ST6GAL1: variants seen among roughly 807,000 people sequenced by gnomAD.
The protein encoded by ST6GAL1 is ST6 beta-galactoside alpha-2,6-sialyltransferase 1.
A neutral mutation model predicts 38.0 loss-of-function variants in ST6GAL1; 20 were observed. The observed-to-expected ratio is 0.53, with a 90% confidence interval of 0.37 to 0.77. The LOEUF (loss-of-function observed/expected upper bound fraction) is 0.77. ST6GAL1 is among the 30% of genes least tolerant of loss of function. The probability of loss-of-function intolerance (pLI) is 0.00; values close to 1 mark genes in which losing one functional copy is unlikely to be tolerated. For synonymous variants in ST6GAL1, 196 were observed against 188.2 expected (o/e 1.04, Z -0.34); for missense variants, 432 against 496.4 (o/e 0.87, Z 1.23).
intron 1 of ST6GAL1, among the ~76,000 whole-genome samples, chr3:186,963,497 G>A (rs185911260): frequency 7.9e-5 from 12 of 152,316 alleles, no homozygotes; most frequent in African/African-American, 2.6e-4. Flanking sequence ...ACTTGGGCCC[G>A]ATCTGTAGCT....
At position 187,078,476 on chromosome 3, in the gene ST6GAL1, C is replaced by T. The variant is rs1362965324; in HGVS notation, c.*2673C>T. 1.3e-5 allele frequency: 2 copies of T among 152,142 alleles called. No individual in the cohort carries two copies. The highest frequency in any genetic ancestry group is 2.4e-5 in the African/African-American group (1 of 41,428). 9.4% of individuals were successfully genotyped at this position (152,142 alleles called of 1,614,324 possible). A position where few individuals can be genotyped will look rare whatever the true frequency, so the allele number is the denominator to read the frequency against. On this transcript the variant is annotated 3_prime_UTR_variant, in exon 8 of 8. Transcript: ENST00000169298. The stretch of plus-strand genomic sequence containing the variant: ...TGGTTTGGAGTTGAGATATCAGTCT[C>T]GGAAACTTCTGAAAAATGCTAATAA...
intron 5 of ST6GAL1, among the ~76,000 whole-genome samples, chr3:187,058,379 A>G (rs1265773020): frequency 6.6e-6 from 1 of 152,194 alleles, no homozygotes; most frequent in Admixed American, 6.5e-5. Flanking sequence ...TTGTTTGTCG[A>G]TCGCGCTGGG....
chr3:186,965,653 A>T (rs950181689), intron 2 of ST6GAL1, among the ~76,000 whole-genome samples: 2 of 152,180 alleles, frequency 1.3e-5, no homozygotes, highest in East Asian at 3.9e-4. Flanking sequence ...TACTCCTGGG[A>T]GGAAGGGAGC....
At chr3:187,013,056 C>T (rs907550024) in intron 2 of ST6GAL1, among the ~76,000 whole-genome samples, 8 of 152,172 alleles carry the variant, frequency 5.3e-5, no homozygotes, top group Non-Finnish European at 1.2e-4. Context: ...TTGATGATCA[C>T]ACAAAAATGA....
chr3:187,015,018 A>G (rs1579322828), intron 2 of ST6GAL1, among the ~76,000 whole-genome samples: 1 of 152,196 alleles, frequency 6.6e-6, no homozygotes, highest in African/African-American at 2.4e-5. Flanking sequence ...AGGGATTTCT[A>G]AATTTGTTAA....
rs1719524769 is a variant in ST6GAL1, at chr3:187,075,377, G to T, written c.980-185G>T. Among the ~76,000 whole-genome samples, 1 of 152,202 alleles carries T rather than the reference G, an allele frequency of 6.6e-6. No individual in the cohort carries two copies. Among genetic ancestry groups the T allele is most frequent in the South Asian group, 2.1e-4 (1 of 4,838 alleles). ...AGGTGTATAACCCTCACACAGCCCT[G>T]CATCCTAAGGAACACTGCTGGGCTT... is the stretch of plus-strand genomic sequence containing the variant. On this transcript the variant is annotated intron_variant, in intron 7 of 7. Transcript: ENST00000169298. The surrounding 1 kb of genome is among the most constrained non-coding windows in gnomAD (Gnocchi z 4.1).
intron 1 of ST6GAL1, among the ~76,000 whole-genome samples, chr3:186,947,106 G>C (rs925622003): frequency 6.6e-6 from 1 of 152,126 alleles, no homozygotes; most frequent in Admixed American, 6.5e-5. Flanking sequence ...TTGGTGGTTC[G>C]TGGTTGGAGA....
intron 2 of ST6GAL1, among the ~76,000 whole-genome samples, chr3:187,026,752 C>G (rs1717551314): frequency 6.6e-6 from 1 of 152,016 alleles, no homozygotes; most frequent in Non-Finnish European, 1.5e-5. Context: ...ACGTAAAATA[C>G]AATAAAAATG....
intron 4 of ST6GAL1, among the ~76,000 whole-genome samples, chr3:187,047,612 T>C (rs1324713096): frequency 6.6e-6 from 1 of 152,150 alleles, no homozygotes; most frequent in Non-Finnish European, 1.5e-5. Context: ...GTAGTTTCTT[T>C]TTTCTGCAGC....
At chr3:187,056,325 T>G (rs1718701169) in intron 5 of ST6GAL1, among the ~76,000 whole-genome samples, 1 of 152,214 alleles carries the variant, frequency 6.6e-6, no homozygotes, top group Non-Finnish European at 1.5e-5. Context: ...ATATTATGTG[T>G]GCATTTGATC....
chr3:187,011,251 G>A (rs577352955), intron 2 of ST6GAL1, among the ~76,000 whole-genome samples: 2 of 152,038 alleles, frequency 1.3e-5, no homozygotes, highest in Admixed American at 6.6e-5. Flanking sequence ...CGCCCACTTC[G>A]GCCTCCCAAA....
intron 2 of ST6GAL1, 181 bp from the exon 3 acceptor site, chr3:187,038,561 G>A (rs570645139): frequency 2.6e-5 from 4 of 152,372 alleles, no homozygotes; most frequent in Admixed American, 2.0e-4. Flanking sequence ...CAGATCCAGA[G>A]CATTGCACCT....
At chr3:187,004,241 C>T (rs940310203) in intron 2 of ST6GAL1, among the ~76,000 whole-genome samples, 2 of 152,242 alleles carry the variant, frequency 1.3e-5, no homozygotes, top group Non-Finnish European at 2.9e-5. Context: ...CATGCTTGTG[C>T]AGCCTGCAGA....
chr3:187,018,973 A>T (rs1490201598), intron 2 of ST6GAL1, among the ~76,000 whole-genome samples: 1 of 152,196 alleles, frequency 6.6e-6, no homozygotes, highest in Non-Finnish European at 1.5e-5. Context: ...GCAGCCAAGA[A>T]AATCAAGTTT....
At position 187,074,295 on chromosome 3, in the gene ST6GAL1, A is replaced by G; in HGVS notation, c.941A>G (p.Glu314Gly). 1 of 1,605,470 alleles carries G rather than the reference A, an allele frequency of 6.2e-7. No individual in the cohort carries two copies. The highest frequency in any genetic ancestry group is 8.5e-7 in the Non-Finnish European group (1 of 1,176,188). ...GACATTCTTCAAGAAATCTCCCCAG[A>G]AGAGATTCAGCCAAACCCCCCATCC... ...LWDILQEISP[E>G]EIQPNPPSSG... The change falls in exon 7 of 8, where the codon GAA becomes GGA. Residue 314 changes from glutamate (E) to glycine (G), a missense_variant. Physicochemically the swap from Glu to Gly is moderately conservative, Grantham distance 98. Transcript: ENST00000169298.
chr3:186,949,596 C>T (rs1714508103), intron 1 of ST6GAL1, among the ~76,000 whole-genome samples: 1 of 152,232 alleles, frequency 6.6e-6, no homozygotes, highest in African/African-American at 2.4e-5. Context: ...GAGTCCTGCC[C>T]TTGTCTCCCC....
intron 1 of ST6GAL1, among the ~76,000 whole-genome samples, chr3:186,958,980 A>G (rs1427918649): frequency 1.3e-5 from 2 of 150,260 alleles, no homozygotes; most frequent in South Asian, 4.2e-4. Flanking sequence ...AAATAAATAA[A>G]TAAATAAATA....
rs983281825 is a variant in ST6GAL1 at position 186,985,358 on chromosome 3, G to T, written c.-183+21432G>T. On this transcript the variant is annotated intron_variant, in intron 2 of 7. Transcript: ENST00000169298. ...CTCTAAGGGTGTTGATCTTCATCTG[G>T]GTTATTCACTGTAGTATCCTATGCA... is the stretch of plus-strand genomic sequence containing the variant. 7.9e-5 allele frequency among the ~76,000 whole-genome samples: 12 copies of T among 151,812 alleles called. No individual in the cohort carries two copies. In the East Asian group the frequency reaches 2.3e-3, roughly 29 times the overall value.
chr3:186,955,047 A>G (rs186814381), intron 1 of ST6GAL1, among the ~76,000 whole-genome samples: 277 of 152,336 alleles, frequency 1.8e-3, no homozygotes, highest in Middle Eastern at 6.8e-3. Context: ...TTTGCTGTGT[A>G]TGGATAGCCA....
Sources: gnomAD v4.1 joint callset for allele counts (sites outside exome capture counted in the v4.1 genomes callset) on GRCh38, gnomAD v4.1.1 for gene constraint, Gnocchi (gnomAD v3.1) non-coding constraint, MANE v1.5 for transcripts, NCBI Gene and HGNC (gene_info 2026-07-23, HGNC 2026-07-21) for gene names.